The following DMD variants were observed in gnomAD, a reference collection of about 807,000 sequenced individuals.
The protein encoded by DMD is dystrophin, also known as mutant dystrophin.
In DMD, 63 loss-of-function variants were observed where a neutral mutation model predicts 330.1. The observed-to-expected ratio is 0.19, with a 90% CI of 0.16 to 0.24. DMD has a LOEUF of 0.24. Ranked by LOEUF, DMD falls within the 10% of genes least tolerant of loss-of-function variation. The probability of loss-of-function intolerance (pLI) is 1.00; values close to 1 mark genes in which losing one functional copy is unlikely to be tolerated. For missense variants in DMD, 3,344 were observed against 2,684.1 expected (o/e 1.25, Z -5.43); for synonymous variants, 1,223 against 959.8 (o/e 1.27, Z -5.07).
chrX:32,997,184 T>G (rs2093143377), intron 2 of DMD, among the ~76,000 whole-genome samples: 1 of 111,057 alleles, frequency 9.0e-6, no homozygotes. Context: ...AAATTTTGTA[T>G]TTTTAATTTT....
chrX:32,822,327 T>C (rs2078328031), intron 5 of DMD, among the ~76,000 whole-genome samples: 1 of 110,899 alleles, frequency 9.0e-6, no homozygotes, highest in African/African-American at 3.3e-5. Flanking sequence ...CAAATGCCAC[T>C]AAGATGGTAA....
chrX:32,043,687 A>G (rs1655441868), intron 44 of DMD, among the ~76,000 whole-genome samples: 1 of 111,839 alleles, frequency 8.9e-6, no homozygotes. Context: ...AATTTGAGAG[A>G]AAAATTAACT....
chrX:31,437,245 C>T (rs1421186708), intron 60 of DMD, among the ~76,000 whole-genome samples: 1 of 111,886 alleles, frequency 8.9e-6, no homozygotes, highest in African/African-American at 3.2e-5. Flanking sequence ...CTTACAAAAA[C>T]CAGTGGTATA....
At chrX:33,115,001 A>T (rs767944991) in intron 1 of DMD, among the ~76,000 whole-genome samples, 4 of 112,359 alleles carry the variant, frequency 3.6e-5, no homozygotes, top group Admixed American at 9.5e-5. Flanking sequence ...GGCAATCAAC[A>T]TCTCATTTAA....
At chrX:32,549,130 A>G (rs1167305505) in intron 16 of DMD, among the ~76,000 whole-genome samples, 1 of 112,076 alleles carries the variant, frequency 8.9e-6, no homozygotes, top group Non-Finnish European at 1.9e-5. Context: ...ACTTGTCTTT[A>G]CATTTGGGAG....
At chrX:32,323,831 G>A (rs1176760660) in intron 41 of DMD, among the ~76,000 whole-genome samples, 2 of 111,495 alleles carry the variant, frequency 1.8e-5, no homozygotes, top group Non-Finnish European at 3.8e-5. Flanking sequence ...ATATGACAAG[G>A]AATTAAAACA....
chrX:31,692,282 G>T (rs767047410), intron 52 of DMD, among the ~76,000 whole-genome samples: 32 of 110,834 alleles, frequency 2.9e-4, no homozygotes, highest in Non-Finnish European at 5.9e-4. Flanking sequence ...TAAGAGGGAA[G>T]TTTATATCAA....
chrX:32,515,205 A>T (rs2045739339), intron 18 of DMD, among the ~76,000 whole-genome samples: 1 of 111,122 alleles, frequency 9.0e-6, no homozygotes, highest in Admixed American at 9.6e-5. Flanking sequence ...GAGCCTGCCG[A>T]GTGAGAGTGT....
intron 11 of DMD, among the ~76,000 whole-genome samples, chrX:32,642,061 C>G (rs751447456): frequency 6.2e-4 from 69 of 111,521 alleles, no homozygotes; most frequent in African/African-American, 2.2e-3. Context: ...TTTGTTTCCT[C>G]TCACAAAATC....
chrX:32,592,280 G>A (rs2055009043), intron 13 of DMD, among the ~76,000 whole-genome samples: 1 of 110,704 alleles, frequency 9.0e-6, no homozygotes, highest in South Asian at 4.0e-4. Flanking sequence ...CTTTTTCTGG[G>A]CCTATCCATG....
intron 43 of DMD, among the ~76,000 whole-genome samples, chrX:32,254,505 G>A (rs1603629335): frequency 1.8e-5 from 2 of 112,149 alleles, no homozygotes; most frequent in African/African-American, 3.2e-5. Flanking sequence ...ATCAAGTAAC[G>A]AAAATGTAAC....
At chrX:32,126,032 G>A (rs1035356316) in intron 44 of DMD, among the ~76,000 whole-genome samples, 9 of 111,886 alleles carry the variant, frequency 8.0e-5, no homozygotes, top group Non-Finnish European at 1.7e-4. Context: ...TCTATTTTGT[G>A]TAATCCCCTT....
intron 60 of DMD, among the ~76,000 whole-genome samples, chrX:31,428,446 G>A (rs766672283): frequency 4.7e-4 from 53 of 111,985 alleles, no homozygotes; most frequent in Non-Finnish European, 7.7e-4. Context: ...AGAACCATGA[G>A]CCAATGAAAT....
At chrX:32,601,467 T>C (rs1372778628) in intron 12 of DMD, among the ~76,000 whole-genome samples, 2 of 111,487 alleles carry the variant, frequency 1.8e-5, no homozygotes, top group East Asian at 5.6e-4. Context: ...ATGGAGAGAT[T>C]TGAAAGGCTA....
At chrX:31,487,503 C>T (rs760252365) in intron 57 of DMD, among the ~76,000 whole-genome samples, 2 of 111,522 alleles carry the variant, frequency 1.8e-5, no homozygotes, top group Admixed American at 9.5e-5. Flanking sequence ...CTCCGGACCT[C>T]GGTTAACACA....
chrX:32,995,578 C>T (rs1034356655), intron 2 of DMD, among the ~76,000 whole-genome samples: 7 of 111,958 alleles, frequency 6.3e-5, no homozygotes, highest in Admixed American at 1.9e-4. Context: ...TACTAGAAAT[C>T]GTTGCTGAGG....
chrX:32,903,144 CAA>C (rs34973696), intron 2 of DMD, among the ~76,000 whole-genome samples: 31 of 32,983 alleles, frequency 9.4e-4, no homozygotes, highest in Middle Eastern at 0.045. Flanking sequence ...GACTCAGTCT[CAA>C]AAAAAAAAAA....
intron 62 of DMD, among the ~76,000 whole-genome samples, chrX:31,320,983 T>C (rs753250730): frequency 1.8e-5 from 2 of 111,559 alleles, no homozygotes; most frequent in African/African-American, 6.5e-5. Flanking sequence ...GGAAGCATAA[T>C]AATCCTAAAT....
chrX:32,749,861 C>CA (rs202142796), intron 7 of DMD, among the ~76,000 whole-genome samples: 1,769 of 112,449 alleles, frequency 0.016, 30 homozygotes, highest in African/African-American at 0.054. Context: ...ATGTGGCTAA[C>CA]ACCACACATA....
Sources: allele counts gnomAD v4.1 joint callset (sites outside exome capture counted in the v4.1 genomes callset), GRCh38; gene constraint gnomAD v4.1.1; transcripts MANE v1.5; gene names NCBI Gene and HGNC (gene_info 2026-07-23, HGNC 2026-07-21).